ZBTB46: variants seen among roughly 807,000 people sequenced by gnomAD.
The protein encoded by ZBTB46 is zinc finger and BTB domain-containing protein 46.
In ZBTB46, 8 loss-of-function variants were observed where a neutral mutation model predicts 44.1. That is an observed-to-expected ratio of 0.18 (90% CI 0.11 to 0.33). The LOEUF is 0.33. Ranked by LOEUF, ZBTB46 falls within the 10% of genes least tolerant of loss-of-function variation. The pLI is 1.00. For synonymous variants in ZBTB46, 409 were observed against 382.3 expected, an observed-to-expected ratio of 1.07 and a Z score of -0.81; for missense variants, 651 against 847.7, an observed-to-expected ratio of 0.77 and a Z score of 2.88.
At chr20:63,806,569 T>G (rs546982540) in intron 1 of ZBTB46, among the ~76,000 whole-genome samples, 2 of 152,286 alleles carry the variant, frequency 1.3e-5, no homozygotes, top group Admixed American at 1.3e-4. Flanking sequence ...TAATACCTGC[T>G]TAAAATAAAG....
chr20:63,769,829 C>G (rs1310151736), intron 3 of ZBTB46, among the ~76,000 whole-genome samples: 1 of 152,198 alleles, frequency 6.6e-6, no homozygotes, highest in East Asian at 1.9e-4. Flanking sequence ...CCTTTAAATA[C>G]CACAGGGAAA....
At chr20:63,778,367 C>T (rs951347216) in intron 2 of ZBTB46, among the ~76,000 whole-genome samples, 2 of 152,156 alleles carry the variant, frequency 1.3e-5, no homozygotes, top group African/African-American at 4.8e-5. Context: ...ACACGCTGAG[C>T]GATGATGATT....
At chr20:63,831,624 C>T (rs2092853070), upstream of ZBTB46, among the ~76,000 whole-genome samples, 1 of 149,118 alleles carries the variant, frequency 6.7e-6, no homozygotes, top group African/African-American at 2.4e-5. Context: ...CCCCCTGGCC[C>T]CCGCTGCGCC....
intron 1 of ZBTB46, among the ~76,000 whole-genome samples, chr20:63,809,433 A>T (rs1260020045): frequency 1.3e-5 from 2 of 152,206 alleles, no homozygotes; most frequent in Non-Finnish European, 2.9e-5. Context: ...AGGAGCTCAC[A>T]GGAGCCCTGA....
intron 3 of ZBTB46, chr20:63,769,470 T>C (rs1359926104): frequency 1.0e-6 from 1 of 982,214 alleles, no homozygotes; most frequent in Non-Finnish European, 1.2e-6. Context: ...ACTGACGATC[T>C]TCCCGGCATG....
intron 1 of ZBTB46, among the ~76,000 whole-genome samples, chr20:63,798,812 C>T (rs2092622854): frequency 6.7e-6 from 1 of 150,214 alleles, no homozygotes; most frequent in African/African-American, 2.4e-5. Context: ...CCACTGCACT[C>T]CAGCCTGGGT....
intron 2 of ZBTB46, among the ~76,000 whole-genome samples, chr20:63,778,954 G>A (rs990579320): frequency 1.3e-5 from 2 of 152,168 alleles, no homozygotes; most frequent in Non-Finnish European, 2.9e-5. Flanking sequence ...CAGCAGATCT[G>A]CTGTCTGGTG....
intron 3 of ZBTB46, among the ~76,000 whole-genome samples, chr20:63,757,816 C>A (rs2092234528): frequency 6.7e-6 from 1 of 149,030 alleles, no homozygotes; most frequent in Non-Finnish European, 1.5e-5. Context: ...CCAGAGCTCA[C>A]ACTCCCTCCA....
chr20:63,780,013 C>G (rs1206443928), intron 2 of ZBTB46, among the ~76,000 whole-genome samples: 1 of 152,042 alleles, frequency 6.6e-6, no homozygotes. Flanking sequence ...TGTCTCATGC[C>G]TGTAATCCCA....
chr20:63,810,543 T>G (rs751008349), intron 1 of ZBTB46, among the ~76,000 whole-genome samples: 1 of 152,146 alleles, frequency 6.6e-6, no homozygotes, highest in Non-Finnish European at 1.5e-5. Flanking sequence ...ATCAGGAGTT[T>G]GAGACCGTCC....
chr20:63,790,347 G>A lies in ZBTB46; in HGVS notation c.411C>T (p.Ala137=), dbSNP rs1233899799. 6.2e-7 allele frequency: 1 copy of A among 1,613,276 alleles called. No individual in the cohort carries two copies. The highest frequency in any genetic ancestry group is 8.5e-7 in the Non-Finnish European group (1 of 1,180,002). Residue 137 remains alanine, a synonymous_variant, in exon 2 of 5, where the codon GCC becomes GCT. Transcript: ENST00000245663. ...AALDISIKSD[A]SDELAEFEIG... ...TCTCGAACTCCGCAAGCTCATCTGA[G>A]GCGTCCGACTTGATGCTGATGTCCA...
chr20:63,802,745 G>A (rs552174104), intron 1 of ZBTB46, among the ~76,000 whole-genome samples: 14 of 143,874 alleles, frequency 9.7e-5, no homozygotes, highest in African/African-American at 2.6e-4. Context: ...GCGGTGGGCC[G>A]ACAACCGAAC....
chr20:63,796,088 C>T (rs1005458905), intron 1 of ZBTB46, among the ~76,000 whole-genome samples: 1 of 152,198 alleles, frequency 6.6e-6, no homozygotes, highest in African/African-American at 2.4e-5. Flanking sequence ...ATCTGAAGAC[C>T]GCGATGAATA....
upstream of ZBTB46, among the ~76,000 whole-genome samples, chr20:63,831,509 C>A (rs1440665392): frequency 1.4e-5 from 2 of 147,190 alleles, no homozygotes; most frequent in African/African-American, 2.5e-5. Flanking sequence ...GTTCTCCCCC[C>A]CGCGGGCAGC....
chr20:63,797,702 G>A (rs1296462589), intron 1 of ZBTB46, among the ~76,000 whole-genome samples: 1 of 152,174 alleles, frequency 6.6e-6, no homozygotes, highest in Non-Finnish European at 1.5e-5. Flanking sequence ...ATTCTAACTG[G>A]TGTGAGATGG....
At chr20:63,785,677 T>C (rs6122177) in intron 2 of ZBTB46, among the ~76,000 whole-genome samples, 82,706 of 152,110 alleles carry the variant, frequency 0.54, 22,658 homozygotes, top group South Asian at 0.62. Flanking sequence ...CATGGGATCA[T>C]GATCTACTTC....
chr20:63,779,943 T>C (rs369402016), intron 2 of ZBTB46, among the ~76,000 whole-genome samples: 1 of 152,106 alleles, frequency 6.6e-6, no homozygotes, highest in Admixed American at 6.6e-5. Flanking sequence ...GAAATCAGGA[T>C]AAGCTGAAAG....
intron 4 of ZBTB46, among the ~76,000 whole-genome samples, chr20:63,749,797 G>A (rs566183775): frequency 6.6e-6 from 1 of 152,346 alleles, no homozygotes; most frequent in Admixed American, 6.5e-5. Flanking sequence ...GCTCCCATGT[G>A]TGCAGGGGCC....
chr20:63,800,379 G>A (rs928815306), intron 1 of ZBTB46, among the ~76,000 whole-genome samples: 7 of 152,340 alleles, frequency 4.6e-5, no homozygotes, highest in African/African-American at 1.7e-4. Flanking sequence ...TGTGGTGATG[G>A]TGAGAGTTGA....
Sources: allele counts gnomAD v4.1 joint callset (sites outside exome capture counted in the v4.1 genomes callset), GRCh38; gene constraint gnomAD v4.1.1; transcripts MANE v1.5; gene names NCBI Gene and HGNC (gene_info 2026-07-23, HGNC 2026-07-21).